RAPGEF2: variants seen among roughly 807,000 people sequenced by gnomAD.
RAPGEF2 encodes the protein PDZ domain containing guanine nucleotide exchange factor (GEF) 1.
RAPGEF2 carries 54 observed loss-of-function variants against 186.7 expected under a neutral mutation model. That is an observed-to-expected ratio of 0.29 (90% confidence interval 0.23 to 0.36). The LOEUF (loss-of-function observed/expected upper bound fraction) is 0.36. RAPGEF2 is among the 10% of genes least tolerant of loss of function. The probability of loss-of-function intolerance (pLI) is 1.00; values close to 1 mark genes in which losing one functional copy is unlikely to be tolerated. For missense variants in RAPGEF2, 1,532 were observed against 2,045.0 expected (o/e 0.75, Z 4.84); for synonymous variants, 712 against 705.9 (o/e 1.01, Z -0.14).
At chr4:159,204,075 C>G (rs947579372) in intron 3 of RAPGEF2, among the ~76,000 whole-genome samples, 3 of 152,334 alleles carry the variant, frequency 2.0e-5, no homozygotes, top group Admixed American at 6.5e-5. Context: ...TCATCTGATC[C>G]GATTTACCTG....
intron 1 of RAPGEF2, among the ~76,000 whole-genome samples, chr4:159,176,586 T>A (rs1473967992): frequency 2.0e-5 from 3 of 152,142 alleles, no homozygotes; most frequent in Non-Finnish European, 4.4e-5. Context: ...AATACTTCAG[T>A]TGTGTGGATA....
At chr4:159,208,393 G>A (rs939024119) in intron 3 of RAPGEF2, among the ~76,000 whole-genome samples, 6 of 152,184 alleles carry the variant, frequency 3.9e-5, no homozygotes, top group Non-Finnish European at 7.3e-5. Context: ...AGTATGCAGC[G>A]TCTATGATGT....
chr4:159,122,835 G>A (rs1022271420), intron 1 of RAPGEF2, among the ~76,000 whole-genome samples: 1 of 152,190 alleles, frequency 6.6e-6, no homozygotes, highest in Non-Finnish European at 1.5e-5. Context: ...TGCTGGAAGT[G>A]TTCCCAAGAA....
In RAPGEF2 at chr4:159,188,543, A is replaced by G. The variant is rs115593835; in HGVS notation, c.140+1831A>G. 2.4e-3 allele frequency among the ~76,000 whole-genome samples: 366 copies of G among 152,098 alleles called. 1 individual carries two copies. Among genetic ancestry groups the G allele is most frequent in the Non-Finnish European group, 3.9e-3 (268 of 67,976 alleles). On this transcript the variant is annotated intron_variant, in intron 2 of 29. Coordinates refer to ENST00000691494, the MANE Select transcript of RAPGEF2 (RefSeq NM_001394067.2). ...GCGGGGCGTGTTGGCAAACGCTTAT[A>G]ATCCCAGCTGCTGTGGAAGCTGAGG...
At chr4:159,116,120 CAAA>C (rs1403722860) in intron 1 of RAPGEF2, among the ~76,000 whole-genome samples, 1 of 151,540 alleles carries the variant, frequency 6.6e-6, no homozygotes, top group African/African-American at 2.4e-5. Flanking sequence ...CTCTGCACAG[CAAA>C]AAAAACTATC....
chr4:159,161,731 AT>A (rs1359713319), intron 1 of RAPGEF2, among the ~76,000 whole-genome samples: 1 of 152,178 alleles, frequency 6.6e-6, no homozygotes, highest in Non-Finnish European at 1.5e-5. Context: ...AATAAAAAAA[AT>A]TTAGATTGTG....
chr4:159,282,182 G>C (rs1188040079), intron 7 of RAPGEF2, among the ~76,000 whole-genome samples: 1 of 152,140 alleles, frequency 6.6e-6, no homozygotes, highest in African/African-American at 2.4e-5. Context: ...TTTTTAAATA[G>C]AATGTTGATG....
chr4:159,121,483 C>G (rs1426261288), intron 1 of RAPGEF2, among the ~76,000 whole-genome samples: 1 of 152,048 alleles, frequency 6.6e-6, no homozygotes. Flanking sequence ...CCTCCCACCT[C>G]AGCCTCTGAA....
intron 1 of RAPGEF2, among the ~76,000 whole-genome samples, chr4:159,141,838 T>C (rs553535510): frequency 1.3e-5 from 2 of 152,312 alleles, no homozygotes; most frequent in South Asian, 2.1e-4. Context: ...TTAAAGATAA[T>C]TTTAACCAGT....
chr4:159,244,073 C>T (rs67377365), intron 7 of RAPGEF2, among the ~76,000 whole-genome samples: 66,915 of 151,596 alleles, frequency 0.44, 15,855 homozygotes, highest in African/African-American at 0.59. Context: ...GGAACACTGT[C>T]CTTCACTAAC....
At position 159,291,159 on chromosome 4, in the gene RAPGEF2, T is replaced by C. The variant is rs138829948; in HGVS notation, c.544-13183T>C. Among the ~76,000 whole-genome samples the C allele has an allele frequency of 7.9e-5, 12 of 152,308 alleles. No individual in the cohort carries two copies. The East Asian group carries it at 2.1e-3, about 27-fold the overall frequency. On this transcript the variant is annotated intron_variant, in intron 7 of 29. Coordinates refer to ENST00000691494, the MANE Select transcript of RAPGEF2 (RefSeq NM_001394067.2). The stretch of plus-strand genomic sequence containing the variant: ...GTAATACCCGTCACTAGAAAAGGAG[T>C]ACCTGTGGTGGTGGTTGTTGCATAA...
chr4:159,145,515 A>ACCAAAAACATTTG (rs1340171855), intron 1 of RAPGEF2, among the ~76,000 whole-genome samples: 2 of 145,786 alleles, frequency 1.4e-5, no homozygotes, highest in African/African-American at 4.9e-5. Flanking sequence ...CAAAAACATT[A>ACCAAAAACATTTG]CCAAAAACAT....
chr4:159,279,248 A>G (rs748496559), intron 7 of RAPGEF2, among the ~76,000 whole-genome samples: 3 of 152,256 alleles, frequency 2.0e-5, no homozygotes, highest in Admixed American at 6.5e-5. Flanking sequence ...TCTCACAGTC[A>G]CAAGCTAACG....
chr4:159,293,252 G>A (rs1025433971), intron 7 of RAPGEF2, among the ~76,000 whole-genome samples: 1 of 152,140 alleles, frequency 6.6e-6, no homozygotes, highest in Non-Finnish European at 1.5e-5. Flanking sequence ...ATCCCTTTCT[G>A]TCTAGTCACT....
intron 7 of RAPGEF2, among the ~76,000 whole-genome samples, chr4:159,293,990 G>A (rs1307943495): frequency 6.6e-6 from 1 of 152,160 alleles, no homozygotes; most frequent in Non-Finnish European, 1.5e-5. Flanking sequence ...TAACCGGAAG[G>A]GACGTTGGGA....
At chr4:159,336,028 TA>T (rs1194461699) in intron 17 of RAPGEF2, among the ~76,000 whole-genome samples, 1 of 152,130 alleles carries the variant, frequency 6.6e-6, no homozygotes, top group Non-Finnish European at 1.5e-5. Flanking sequence ...TCCACTAACG[TA>T]AAAGTTTTCA....
chr4:159,281,141 A>G (rs1399388385), intron 7 of RAPGEF2, among the ~76,000 whole-genome samples: 2 of 151,820 alleles, frequency 1.3e-5, no homozygotes, highest in African/African-American at 2.4e-5. Context: ...ACAGGCACGC[A>G]CTACCACGTG....
chr4:159,131,785 A>G (rs1267192377), intron 1 of RAPGEF2, among the ~76,000 whole-genome samples: 3 of 151,602 alleles, frequency 2.0e-5, no homozygotes, highest in Admixed American at 6.6e-5. Flanking sequence ...AAGACTTGGC[A>G]TACTCGATAT....
At chr4:159,203,730 T>G (rs1374806780) in intron 3 of RAPGEF2, among the ~76,000 whole-genome samples, 1 of 152,128 alleles carries the variant, frequency 6.6e-6, no homozygotes, top group East Asian at 1.9e-4. Context: ...AAGCTGTAGG[T>G]TGGTCCTTTC....
Sources: gnomAD v4.1 joint callset for allele counts (sites outside exome capture counted in the v4.1 genomes callset) on GRCh38, gnomAD v4.1.1 for gene constraint, MANE v1.5 for transcripts, NCBI Gene and HGNC (gene_info 2026-07-23, HGNC 2026-07-21) for gene names.